SPOCK3: variants seen among roughly 807,000 people sequenced by gnomAD.
SPOCK3 encodes the protein SPARC (osteonectin), cwcv and kazal like domains proteoglycan 3.
Under a neutral mutation model 56.6 loss-of-function variants are expected in SPOCK3, and 30 were observed. The observed-to-expected ratio is 0.53, with a 90% CI of 0.40 to 0.72. The LOEUF (loss-of-function observed/expected upper bound fraction) is 0.72, where lower values mean the gene tolerates loss of function less well. SPOCK3 is among the 30% of genes least tolerant of loss of function. The pLI, the probability that SPOCK3 is intolerant of heterozygous loss-of-function variation, is 0.00. For synonymous variants in SPOCK3, 196 were observed against 183.3 expected, an observed-to-expected ratio of 1.07 and a Z score of -0.56; for missense variants, 527 against 530.0, an observed-to-expected ratio of 0.99 and a Z score of 0.06.
At position 167,075,139 on chromosome 4, in the gene SPOCK3, C is replaced by T. The variant is rs188650536; in HGVS notation, c.190-12602G>A. On this transcript the variant is annotated intron_variant, in intron 2 of 10. Transcript: ENST00000357545. The stretch of plus-strand genomic sequence containing the variant: ...ATGCCCGTACTATTTGGCAGCACTT[C>T]TAAAGCTATTTGTCAGGAGGAACCA... Among the ~76,000 whole-genome samples the T allele has an allele frequency of 1.3e-3, 190 of 151,748 alleles. 1 individual carries two copies. Among genetic ancestry groups the T allele is most frequent in the Non-Finnish European group, 2.0e-3 (137 of 67,870 alleles).
At chr4:167,210,468 T>C (rs888863440) in intron 2 of SPOCK3, among the ~76,000 whole-genome samples, 2 of 152,176 alleles carry the variant, frequency 1.3e-5, no homozygotes, top group Non-Finnish European at 2.9e-5. Context: ...TCTTGGGTAG[T>C]GGGCTAAAAG....
chr4:167,074,938 G>A (rs892991660), intron 2 of SPOCK3, among the ~76,000 whole-genome samples: 2 of 151,810 alleles, frequency 1.3e-5, no homozygotes, highest in African/African-American at 2.4e-5. Flanking sequence ...AATGTGTAAC[G>A]ATCAAATCAG....
intron 4 of SPOCK3, among the ~76,000 whole-genome samples, chr4:166,986,425 A>C (rs1187513570): frequency 1.3e-5 from 2 of 152,150 alleles, no homozygotes; most frequent in East Asian, 1.9e-4. Flanking sequence ...ATTCTGGCTA[A>C]AGAGAAACAC....
chr4:166,811,301 T>G (rs1297523666), intron 6 of SPOCK3, among the ~76,000 whole-genome samples: 2 of 151,734 alleles, frequency 1.3e-5, no homozygotes, highest in African/African-American at 4.8e-5. Flanking sequence ...ATTTGCTCAC[T>G]GATACTCTAC....
intron 6 of SPOCK3, among the ~76,000 whole-genome samples, chr4:166,807,920 T>C (rs1180807250): frequency 6.6e-6 from 1 of 152,160 alleles, no homozygotes; most frequent in Non-Finnish European, 1.5e-5. Context: ...TTTGATAGCA[T>C]GTCAATGACA....
At chr4:167,059,475 T>G (rs1256647711) in intron 3 of SPOCK3, among the ~76,000 whole-genome samples, 1 of 151,588 alleles carries the variant, frequency 6.6e-6, no homozygotes. Flanking sequence ...CCAGTTAGAA[T>G]GGCAATCATT....
At chr4:167,058,429 A>T (rs915782058) in intron 3 of SPOCK3, among the ~76,000 whole-genome samples, 3 of 152,180 alleles carry the variant, frequency 2.0e-5, no homozygotes, top group Non-Finnish European at 2.9e-5. Flanking sequence ...AATACCTAGG[A>T]ATCCAACTTA....
chr4:166,840,916 C>T (rs1560916343), intron 6 of SPOCK3, among the ~76,000 whole-genome samples: 1 of 150,968 alleles, frequency 6.6e-6, no homozygotes, highest in Non-Finnish European at 1.5e-5. Flanking sequence ...GTAGCTGGTA[C>T]TATAGGTGCC....
At chr4:167,215,564 A>G (rs1425355230) in intron 2 of SPOCK3, among the ~76,000 whole-genome samples, 2 of 152,090 alleles carry the variant, frequency 1.3e-5, no homozygotes, top group Non-Finnish European at 2.9e-5. Flanking sequence ...ACACAAAAAA[A>G]GAAAGAGCAG....
At chr4:166,865,001 T>A (rs766873112) in intron 6 of SPOCK3, among the ~76,000 whole-genome samples, 2 of 152,104 alleles carry the variant, frequency 1.3e-5, no homozygotes, top group African/African-American at 2.4e-5. Flanking sequence ...TCCAGGCCAA[T>A]ATCCCTGATG....
chr4:167,028,566 A>G (rs573140252), intron 3 of SPOCK3, among the ~76,000 whole-genome samples: 1 of 152,132 alleles, frequency 6.6e-6, no homozygotes, highest in South Asian at 2.1e-4. Flanking sequence ...ATTCGTGTCT[A>G]TCATGATCTC....
At chr4:167,043,023 T>C (rs1025339492) in intron 3 of SPOCK3, among the ~76,000 whole-genome samples, 1 of 152,088 alleles carries the variant, frequency 6.6e-6, no homozygotes, top group African/African-American at 2.4e-5. Context: ...TCACTTTTTC[T>C]GTCTCTACAG....
Position 167,062,536 on chromosome 4 carries a change from T to A in SPOCK3, c.191A>T (p.Asp64Val), listed in dbSNP as rs1367148927. Residue 64 changes from aspartate to valine, a missense_variant and splice_region_variant, in exon 3 of 11, where the codon GAT becomes GTT. Transcript: ENST00000357545. ...EVGQWNKFRD[D>V]DYFRTWSPGK... The stretch of plus-strand genomic sequence containing the variant: ...TGGACTCCAAGTGCGGAAATAATCA[T>A]CCTAAGGGGGAAAATAATGTGAATT... The A allele has an allele frequency of 1.2e-6, 2 of 1,603,958 alleles. No individual in the cohort carries two copies. Among genetic ancestry groups the A allele is most frequent in the Admixed American group, 3.3e-5 (2 of 59,758 alleles).
intron 9 of SPOCK3, among the ~76,000 whole-genome samples, chr4:166,741,656 C>A (rs1428264251): frequency 1.3e-5 from 2 of 152,138 alleles, no homozygotes; most frequent in African/African-American, 4.8e-5. Flanking sequence ...TTAAATAGCA[C>A]ATATACATAT....
intron 6 of SPOCK3, among the ~76,000 whole-genome samples, chr4:166,814,850 C>T (rs891666169): frequency 5.3e-5 from 8 of 152,136 alleles, no homozygotes; most frequent in African/African-American, 1.9e-4. Context: ...TTCTGTCCCT[C>T]TAGAGAACAC....
At chr4:167,114,737 C>T (rs1231160944) in intron 2 of SPOCK3, among the ~76,000 whole-genome samples, 1 of 151,982 alleles carries the variant, frequency 6.6e-6, no homozygotes, top group Non-Finnish European at 1.5e-5. Flanking sequence ...AAGAAACAGA[C>T]CAGGTCTTTT....
intron 3 of SPOCK3, among the ~76,000 whole-genome samples, chr4:167,025,811 G>A (rs1751647318): frequency 1.3e-5 from 2 of 152,038 alleles, no homozygotes; most frequent in Admixed American, 1.3e-4. Flanking sequence ...TCTGAGGAAT[G>A]CATTGTCAGG....
At chr4:166,852,189 C>G (rs1403510883) in intron 6 of SPOCK3, among the ~76,000 whole-genome samples, 1 of 151,974 alleles carries the variant, frequency 6.6e-6, no homozygotes, top group Non-Finnish European at 1.5e-5. Context: ...GGAGATATGC[C>G]TAATGCTAGA....
intron 9 of SPOCK3, among the ~76,000 whole-genome samples, chr4:166,738,845 A>G (rs968723032): frequency 6.6e-6 from 1 of 151,936 alleles, no homozygotes; most frequent in Non-Finnish European, 1.5e-5. Flanking sequence ...TATATGTGCC[A>G]CATTTTCTTA....
Sources: gnomAD v4.1 joint callset for allele counts (sites outside exome capture counted in the v4.1 genomes callset) on GRCh38, gnomAD v4.1.1 for gene constraint, MANE v1.5 for transcripts, NCBI Gene and HGNC (gene_info 2026-07-23, HGNC 2026-07-21) for gene names.